Variants in ELF1 observed in about 807,000 individuals in gnomAD.
The protein encoded by ELF1 is ETS-related transcription factor Elf-1.
ELF1 carries 24 observed loss-of-function variants against 59.9 expected under a neutral mutation model. The ratio of observed to expected loss-of-function variants is 0.40; its 90% confidence interval spans 0.29 to 0.56. ELF1 has a LOEUF of 0.56. Ranked by LOEUF, ELF1 falls within the 20% of genes least tolerant of loss-of-function variation. The pLI, the probability that ELF1 is intolerant of heterozygous loss-of-function variation, is 0.44. For synonymous variants in ELF1, 248 were observed against 266.2 expected (o/e 0.93, Z 0.67); for missense variants, 627 against 742.2 (o/e 0.84, Z 1.80).
intron 1 of ELF1, among the ~76,000 whole-genome samples, chr13:41,018,692 A>G (rs1428476542): frequency 1.3e-5 from 2 of 152,128 alleles, no homozygotes; most frequent in African/African-American, 4.8e-5. Flanking sequence ...ATATAATTTC[A>G]TTAACTTTAA....
Position 40,933,943 on chromosome 13 carries a change from G to A in ELF1, c.1342C>T (p.Leu448Phe). The change falls in exon 9 of 9, where the codon CTC becomes TTC. Residue 448 changes from leucine (L) to phenylalanine (F), a missense_variant. This residue lies in a region of ELF1 where 361 missense variants were observed against 396.1 expected (regional missense o/e 0.91). Transcript: ENST00000239882. ...TCTGTGCTGGCTATAACTGTTGTGA[G>A]TGGCACTGTTTGGAGTGTTACTGTA... ...LHTVTLQTVP[L>F]TTVIASTDPS... 1 of 1,614,276 alleles carries A rather than the reference G, an allele frequency of 6.2e-7. No individual in the cohort carries two copies.
intron 2 of ELF1, among the ~76,000 whole-genome samples, chr13:40,976,604 C>T (rs771933165): frequency 1.3e-5 from 2 of 152,138 alleles, no homozygotes; most frequent in African/African-American, 4.8e-5. Flanking sequence ...TGCAATGGTG[C>T]GATCTCAGCT....
At chr13:40,945,129 A>G (rs1870426198) in intron 5 of ELF1, among the ~76,000 whole-genome samples, 1 of 152,228 alleles carries the variant, frequency 6.6e-6, no homozygotes, top group South Asian at 2.1e-4. Context: ...TTAGAAGCCA[A>G]CACTTCAGTA....
Position 40,976,540 on chromosome 13 carries a change from T to TTTTTG in ELF1, c.72+5438_72+5442dup, listed in dbSNP as rs1248991233. 1.8e-4 allele frequency among the ~76,000 whole-genome samples: 27 copies of TTTTTG among 152,324 alleles called. 1 individual carries two copies. The highest frequency in any genetic ancestry group is 1.1e-3 in the Admixed American group (17 of 15,304). ...AAAAGACAGCAAGGCACTGTTATTC[T>TTTTTG]TTTTGTTTTGTTTTGTTTTAGACGG... On this transcript the variant is annotated intron_variant, in intron 2 of 8. Transcript: ENST00000239882.
At chr13:40,954,575 G>A (rs1326311995) in intron 3 of ELF1, among the ~76,000 whole-genome samples, 3 of 151,930 alleles carry the variant, frequency 2.0e-5, no homozygotes, top group Non-Finnish European at 4.4e-5. Flanking sequence ...AGCCTGCCGA[G>A]TGCCTGCGAT....
chr13:41,004,309 G>A (rs1233778703), intron 1 of ELF1, among the ~76,000 whole-genome samples: 1 of 151,988 alleles, frequency 6.6e-6, no homozygotes, highest in Non-Finnish European at 1.5e-5. Flanking sequence ...TAAAGAAATA[G>A]CCCACATCTG....
intron 3 of ELF1, among the ~76,000 whole-genome samples, chr13:40,953,636 GGCAGTCCTA>G (rs1292127029): frequency 1.2e-4 from 18 of 152,142 alleles, no homozygotes; most frequent in Admixed American, 2.0e-4. Context: ...ACTTTCTTAT[GGCAGTCCTA>G]GCAAACTAAC....
At chr13:40,999,603 A>G (rs1874306898) in intron 1 of ELF1, among the ~76,000 whole-genome samples, 2 of 152,226 alleles carry the variant, frequency 1.3e-5, no homozygotes, top group Non-Finnish European at 2.9e-5. Context: ...CGATGACTAT[A>G]AAGCCCAATG....
rs577452113 is a variant in ELF1 at position 40,944,235 on chromosome 13, T to C, written c.530-310A>G. Reference sequence around the variant, plus strand: ...GCCTTTGAAGTACCCATACTGGTAGTGCTTTCTTAAACTTTTGGAGAATGC... The same window carrying C: ...GCCTTTGAAGTACCCATACTGGTAGCGCTTTCTTAAACTTTTGGAGAATGC... On this transcript the variant is annotated intron_variant, in intron 5 of 8. Transcript: ENST00000239882. Among the ~76,000 whole-genome samples, 51 of 152,356 alleles carry C rather than the reference T, an allele frequency of 3.3e-4. 1 individual carries two copies. The South Asian group carries it at 9.5e-3, about 28-fold the overall frequency.
At chr13:40,953,200 TC>T (rs1405724266) in intron 3 of ELF1, among the ~76,000 whole-genome samples, 3 of 152,110 alleles carry the variant, frequency 2.0e-5, no homozygotes, top group Non-Finnish European at 4.4e-5. Flanking sequence ...GGTCTTGAAC[TC>T]CCGACCTCAG....
intron 1 of ELF1, among the ~76,000 whole-genome samples, chr13:40,998,596 T>C: frequency 6.6e-6 from 1 of 152,228 alleles, no homozygotes; most frequent in East Asian, 1.9e-4. Context: ...ACTTTATATT[T>C]TACTATTGTA....
At position 40,969,020 on chromosome 13, in the gene ELF1, A is replaced by T. The variant is rs79828454; in HGVS notation, c.73-10004T>A. 6.7e-3 allele frequency among the ~76,000 whole-genome samples: 1,027 copies of T among 152,182 alleles called. 9 individuals carry two copies. The highest frequency in any genetic ancestry group is 0.024 in the African/African-American group (980 of 41,522). Reference sequence around the variant, plus strand: ...CAGACATGAGCCATTGCGCCCAGGGACCTATTCCTTATTATAAAATAAAAA... The same window carrying T: ...CAGACATGAGCCATTGCGCCCAGGGTCCTATTCCTTATTATAAAATAAAAA... On this transcript the variant is annotated intron_variant, in intron 2 of 8. Transcript: ENST00000239882.
At chr13:40,954,997 A>C (rs1871142113) in intron 3 of ELF1, among the ~76,000 whole-genome samples, 1 of 147,282 alleles carries the variant, frequency 6.8e-6, no homozygotes, top group Non-Finnish European at 1.5e-5. Context: ...CCATCTAGGA[A>C]GTGAGGAGCG....
At chr13:41,042,049 G>A (rs1259683157) in intron 1 of ELF1, among the ~76,000 whole-genome samples, 1 of 152,086 alleles carries the variant, frequency 6.6e-6, no homozygotes, top group Non-Finnish European at 1.5e-5. Context: ...TTTTCAGACA[G>A]TCTTGTTCTG....
intron 1 of ELF1, among the ~76,000 whole-genome samples, chr13:41,008,082 T>C (rs1192972855): frequency 6.6e-6 from 1 of 152,210 alleles, no homozygotes; most frequent in Non-Finnish European, 1.5e-5. Flanking sequence ...AAAAACTATT[T>C]TCTTGAATCT....
intron 2 of ELF1, among the ~76,000 whole-genome samples, chr13:40,980,884 C>T (rs1426639941): frequency 6.6e-6 from 1 of 152,078 alleles, no homozygotes; most frequent in East Asian, 1.9e-4. Flanking sequence ...CAATTCTCTC[C>T]CTGAACCTGT....
At chr13:40,977,126 TA>T (rs1872960953) in intron 2 of ELF1, among the ~76,000 whole-genome samples, 1 of 152,132 alleles carries the variant, frequency 6.6e-6, no homozygotes, top group African/African-American at 2.4e-5. Context: ...AGCATTAAAC[TA>T]TGCCGGCTGT....
chr13:40,986,902 C>A (rs927302951), intron 1 of ELF1, among the ~76,000 whole-genome samples: 1 of 148,948 alleles, frequency 6.7e-6, no homozygotes, highest in African/African-American at 2.5e-5. Flanking sequence ...ATTAAACCCA[C>A]GAATTCATAA....
At position 40,941,225 on chromosome 13, in the gene ELF1, A is replaced by C; in HGVS notation, c.952T>G (p.Ser318Ala). 1.2e-6 allele frequency: 2 copies of C among 1,614,204 alleles called. No homozygotes were observed. The highest frequency in any genetic ancestry group is 1.7e-6 in the Non-Finnish European group (2 of 1,180,020). ...IESSDPSLSS[S>A]ATSNRNQTSR... ...GTTTGATTCCTATTTGAAGTGGCTGATGAAGATAGCGATGGATCTGAAGAC... is the reference window on the plus strand; with the variant it reads ...GTTTGATTCCTATTTGAAGTGGCTGCTGAAGATAGCGATGGATCTGAAGAC... The change falls in exon 8 of 9, where the codon TCA becomes GCA. Residue 318 changes from serine to alanine, a missense_variant. Around this residue, in one of 3 missense-constraint regions of ELF1, gnomAD observed 361 missense variants for 396.1 expected, o/e 0.91. Transcript: ENST00000239882.
Sources: allele counts gnomAD v4.1 joint callset (sites outside exome capture counted in the v4.1 genomes callset), GRCh38; gene constraint gnomAD v4.1.1; regional missense constraint gnomAD v4.1.1; transcripts MANE v1.5; gene names NCBI Gene and HGNC (gene_info 2026-07-23, HGNC 2026-07-21).